Variants in CLASP1 observed in about 807,000 individuals in gnomAD.
The protein encoded by CLASP1 is cytoplasmic linker associated protein 1.
Under a neutral mutation model 192.3 loss-of-function variants are expected in CLASP1, and 38 were observed. The observed-to-expected ratio is 0.20, with a 90% CI of 0.15 to 0.26. The LOEUF is 0.26. CLASP1 is among the 10% of genes least tolerant of loss of function. The pLI is 1.00. For missense variants in CLASP1, 1,433 were observed against 1,932.5 expected, an observed-to-expected ratio of 0.74 and a Z score of 4.85; for synonymous variants, 691 against 712.8, an observed-to-expected ratio of 0.97 and a Z score of 0.49.
intron 24 of CLASP1, 142 bp downstream of exon 25, chr2:121,410,724 A>T (rs2077582297): frequency 5.3e-6 from 3 of 569,732 alleles, no homozygotes; most frequent in Non-Finnish European, 9.2e-6. Context: ...TAACAATATA[A>T]ATTTACCCAA....
At chr2:121,558,337 AG>A (rs1471197523) in intron 2 of CLASP1, among the ~76,000 whole-genome samples, 1 of 152,214 alleles carries the variant, frequency 6.6e-6, no homozygotes, top group Non-Finnish European at 1.5e-5. Context: ...ACAGAAAAAA[AG>A]AAATCCTCCA....
intron 2 of CLASP1, among the ~76,000 whole-genome samples, chr2:121,576,145 G>T (rs1163707197): frequency 6.6e-6 from 1 of 152,180 alleles, no homozygotes; most frequent in South Asian, 2.1e-4. Context: ...ATTTTACTGA[G>T]TAACAACTAT....
chr2:121,571,205 TCAC>T (rs2059942832), intron 2 of CLASP1, among the ~76,000 whole-genome samples: 2 of 152,118 alleles, frequency 1.3e-5, no homozygotes, highest in African/African-American at 2.4e-5. Context: ...GGGATGGGTC[TCAC>T]TCTGTCACCC....
In CLASP1 at chr2:121,555,988, C is replaced by CTTTTTTTTTTTTT. The variant is rs34423741; in HGVS notation, c.196-25676_196-25664dup. ...CACGGCGCCTGCCCCCTACCCACCG[C>CTTTTTTTTTTTTT]TTTTTTTTTTTTTTTTTTTTTTTTT... On this transcript the variant is annotated intron_variant, in intron 2 of 39. Transcript: ENST00000263710. 3.5e-4 allele frequency among the ~76,000 whole-genome samples: 15 copies of CTTTTTTTTTTTTT among 42,394 alleles called. 2 individuals are homozygous for CTTTTTTTTTTTTT. The highest frequency in any genetic ancestry group is 4.4e-4 in the African/African-American group (4 of 9,090). The allele number at this position is 42,394 out of a possible 152,430, so 27.8% of individuals were successfully genotyped here. A position where few individuals can be genotyped will look rare whatever the true frequency, so the allele number is the denominator to read the frequency against.
intron 2 of CLASP1, chr2:121,602,931 A>C (rs192174944): frequency 3.5e-4 from 54 of 152,304 alleles, no homozygotes; most frequent in African/African-American, 1.2e-3. Flanking sequence ...TCAAAAGCAC[A>C]AGAAACAAAA....
chr2:121,541,224 T>A (rs887722134), intron 2 of CLASP1, among the ~76,000 whole-genome samples: 4 of 152,102 alleles, frequency 2.6e-5, no homozygotes, highest in Non-Finnish European at 4.4e-5. Context: ...AAAACATCCA[T>A]AAGGGACAAA....
intron 2 of CLASP1, among the ~76,000 whole-genome samples, chr2:121,569,265 G>A (rs1486769426): frequency 1.3e-5 from 2 of 152,180 alleles, no homozygotes; most frequent in Non-Finnish European, 2.9e-5. Flanking sequence ...TAAACAGTGA[G>A]TTTAAGCTGA....
At chr2:121,562,333 T>G (rs1242224015) in intron 2 of CLASP1, among the ~76,000 whole-genome samples, 1 of 152,232 alleles carries the variant, frequency 6.6e-6, no homozygotes, top group Non-Finnish European at 1.5e-5. Flanking sequence ...TTCAGAGGAC[T>G]TGGGGAACTG....
At chr2:121,634,198 T>C (rs945906656) in intron 1 of CLASP1, among the ~76,000 whole-genome samples, 10 of 152,252 alleles carry the variant, frequency 6.6e-5, no homozygotes, top group Middle Eastern at 3.4e-3. Flanking sequence ...CTGCCTTCCT[T>C]CTTAGGCATG....
At chr2:121,339,007 G>A (rs976414018) in exon 40 of CLASP1, 1 of 152,564 alleles carries the variant, frequency 6.6e-6, no homozygotes, top group Non-Finnish European at 1.5e-5. Context: ...ACCTGGTCCT[G>A]CTATATTTTG....
intron 2 of CLASP1, among the ~76,000 whole-genome samples, chr2:121,566,613 T>C (rs543889070): frequency 6.6e-6 from 1 of 152,356 alleles, no homozygotes; most frequent in South Asian, 2.1e-4. Context: ...ATCATTTTAT[T>C]GAGGATTTAC....
chr2:121,436,084 T>A (rs778355234), intron 19 of CLASP1, among the ~76,000 whole-genome samples: 2 of 151,902 alleles, frequency 1.3e-5, no homozygotes, highest in Non-Finnish European at 2.9e-5. Context: ...CAGGTTGGAG[T>A]ACAGTGGTGT....
chr2:121,542,336 G>T (rs1184157506), intron 2 of CLASP1, among the ~76,000 whole-genome samples: 2 of 152,176 alleles, frequency 1.3e-5, no homozygotes, highest in Non-Finnish European at 2.9e-5. Flanking sequence ...TTAATGTAAT[G>T]CACTAGGTGC....
At chr2:121,370,882 A>T (rs1558918109) in intron 34 of CLASP1, among the ~76,000 whole-genome samples, 1 of 152,142 alleles carries the variant, frequency 6.6e-6, no homozygotes, top group East Asian at 1.9e-4. Flanking sequence ...CACTTGACAA[A>T]ATCAGAAACC....
At chr2:121,411,781 C>T (rs976765496) in intron 23 of CLASP1, among the ~76,000 whole-genome samples, 1 of 152,132 alleles carries the variant, frequency 6.6e-6, no homozygotes, top group Admixed American at 6.5e-5. Context: ...AGCTGACCAA[C>T]CTTCCTTAGG....
chr2:121,354,351 C>A (rs1170301582), intron 37 of CLASP1, among the ~76,000 whole-genome samples: 2 of 152,126 alleles, frequency 1.3e-5, no homozygotes, highest in African/African-American at 4.8e-5. Context: ...TGAGGAGGAC[C>A]GGCATGTTTC....
chr2:121,573,275 T>A (rs1013346889), intron 2 of CLASP1, among the ~76,000 whole-genome samples: 11 of 152,192 alleles, frequency 7.2e-5, no homozygotes, highest in African/African-American at 2.4e-4. Flanking sequence ...CACAGTTTTC[T>A]AAGCAAAATA....
At chr2:121,593,964 C>T (rs58439328) in intron 2 of CLASP1, among the ~76,000 whole-genome samples, 103,547 of 148,068 alleles carry the variant, frequency 0.7, 39,912 homozygotes, top group Non-Finnish European at 0.86. Context: ...GCCGAGATCG[C>T]GCCACTGCAC....
At chr2:121,606,035 T>C (rs537630791) in exon 2 of CLASP1, 4 of 664,256 alleles carry the variant, frequency 6.0e-6, no homozygotes, top group Non-Finnish European at 1.0e-5. Context: ...ATCTGGGGAA[T>C]GGCAACAATG....
Sources: gnomAD v4.1 joint callset for allele counts (sites outside exome capture counted in the v4.1 genomes callset) on GRCh38, gnomAD v4.1.1 for gene constraint, MANE v1.5 for transcripts, NCBI Gene and HGNC (gene_info 2026-07-23, HGNC 2026-07-21) for gene names.